Variants in NXNL2 observed in about 807,000 individuals in gnomAD.
NXNL2 encodes the protein nucleoredoxin like 2.
NXNL2 carries 7 observed loss-of-function variants against 11.1 expected under a neutral mutation model. The ratio of observed to expected loss-of-function variants is 0.63; its 90% CI spans 0.36 to 1.18. The LOEUF (loss-of-function observed/expected upper bound fraction) is 1.18, where lower values mean the gene tolerates loss of function less well. NXNL2 is among the 50% of genes most tolerant of loss of function. The pLI, the probability that NXNL2 is intolerant of heterozygous loss-of-function variation, is 0.02. For missense variants in NXNL2, 233 were observed against 217.7 expected (o/e 1.07, Z -0.44); for synonymous variants, 109 against 101.8 (o/e 1.07, Z -0.42).
At chr9:88,561,458 ACTAT>A (rs199978903) in intron 1 of NXNL2, among the ~76,000 whole-genome samples, 3,466 of 152,080 alleles carry the variant, frequency 0.023, 111 homozygotes, top group African/African-American at 0.073. Context: ...TCTACCATCT[ACTAT>A]CTATCTATCT....
chr9:88,553,618 G>A (rs1829973311), intron 1 of NXNL2, among the ~76,000 whole-genome samples: 1 of 152,170 alleles, frequency 6.6e-6, no homozygotes, highest in Admixed American at 6.5e-5. Flanking sequence ...GAGGTGGAGA[G>A]TCCAACAGGG....
At chr9:88,541,245 T>C (rs1829754175) in intron 1 of NXNL2, among the ~76,000 whole-genome samples, 1 of 148,864 alleles carries the variant, frequency 6.7e-6, no homozygotes, top group Non-Finnish European at 1.5e-5. Flanking sequence ...ATTCTCTCTT[T>C]TTCCTTGCTC....
At chr9:88,561,881 G>A (rs937586693) in intron 1 of NXNL2, among the ~76,000 whole-genome samples, 1 of 152,192 alleles carries the variant, frequency 6.6e-6, no homozygotes, top group African/African-American at 2.4e-5. Flanking sequence ...GACTCATACA[G>A]CCATTTGAGA....
chr9:88,548,825 G>C (rs1323781198), downstream of NXNL2, among the ~76,000 whole-genome samples: 1 of 152,052 alleles, frequency 6.6e-6, no homozygotes, highest in East Asian at 1.9e-4. Flanking sequence ...TGATGGTGGT[G>C]TTAGGAGGTG....
intron 1 of NXNL2, among the ~76,000 whole-genome samples, chr9:88,569,214 A>G (rs1336667485): frequency 6.6e-6 from 1 of 152,250 alleles, no homozygotes; most frequent in African/African-American, 2.4e-5. Flanking sequence ...TACAGGCGTA[A>G]GCCACCATGC....
intron 1 of NXNL2, among the ~76,000 whole-genome samples, chr9:88,581,913 G>T (rs9410664): frequency 0.16 from 23,832 of 152,180 alleles, 3,591 homozygotes; most frequent in East Asian, 0.89. Context: ...GCCTAACCAT[G>T]GGCAAGATGA....
At chr9:88,581,824 A>G (rs1830411585) in intron 1 of NXNL2, among the ~76,000 whole-genome samples, 1 of 152,232 alleles carries the variant, frequency 6.6e-6, no homozygotes, top group African/African-American at 2.4e-5. Context: ...ATATTGTGGA[A>G]TGGACTTTGC....
At chr9:88,567,333 T>A (rs536659708) in intron 1 of NXNL2, among the ~76,000 whole-genome samples, 2 of 152,248 alleles carry the variant, frequency 1.3e-5, no homozygotes, top group South Asian at 2.1e-4. Context: ...CAGACAGGGT[T>A]TCACCATGTT....
chr9:88,535,406 C>G lies in NXNL2; in HGVS notation c.-29C>G, dbSNP rs1334925160. On this transcript the variant is annotated 5_prime_UTR_variant, in exon 1 of 2. Transcript: ENST00000375854. ...GTGATCATCCTCCTGCAGGTGTCCT[C>G]GGGTCTCAGGTGGCTGCGTGTCTGC... The G allele has an allele frequency of 1.3e-6, 2 of 1,554,150 alleles. No homozygotes were observed. The highest frequency in any genetic ancestry group is 1.9e-5 in the Admixed American group (1 of 53,936).
At chr9:88,574,646 T>A (rs10122928) in intron 2 of NXNL2, among the ~76,000 whole-genome samples, 28,014 of 152,186 alleles carry the variant, frequency 0.18, 6,085 homozygotes, top group African/African-American at 0.53. Context: ...CACAGGAATT[T>A]CAGTAAGAAA....
chr9:88,577,300 CG>C (rs148501683), downstream of NXNL2, among the ~76,000 whole-genome samples: 62 of 149,704 alleles, frequency 4.1e-4, no homozygotes, highest in Middle Eastern at 3.5e-3. Context: ...TGTGACTGGG[CG>C]GGGGGGGCGG....
chr9:88,539,514 G>C lies in NXNL2; in HGVS notation c.302+3778G>C, dbSNP rs1278254247. Reference sequence around the variant, plus strand: ...AGCCGGACCGTCTACTTTCCTTTCTGGAAGTGACGTGTGCGAGCCCTGCCC... The same window carrying C: ...AGCCGGACCGTCTACTTTCCTTTCTCGAAGTGACGTGTGCGAGCCCTGCCC... On this transcript the variant is annotated intron_variant, in intron 1 of 1. Coordinates refer to ENST00000375854, the MANE Select transcript of NXNL2 (RefSeq NM_001161625.2). 2.0e-5 allele frequency among the ~76,000 whole-genome samples: 3 copies of C among 152,280 alleles called. No homozygotes were observed. The East Asian group carries it at 5.8e-4, about 29-fold the overall frequency.
intron 1 of NXNL2, among the ~76,000 whole-genome samples, chr9:88,552,941 C>G: frequency 6.6e-6 from 1 of 152,218 alleles, no homozygotes; most frequent in East Asian, 1.9e-4. Context: ...AAATTGCCCA[C>G]GACTAAGACC....
At chr9:88,583,191 G>A (rs1830428320) in intron 1 of NXNL2, among the ~76,000 whole-genome samples, 2 of 152,234 alleles carry the variant, frequency 1.3e-5, no homozygotes, top group African/African-American at 2.4e-5. Flanking sequence ...AGCCTGTGCA[G>A]CACTGTTCAA....
intron 1 of NXNL2, among the ~76,000 whole-genome samples, chr9:88,541,633 GT>G (rs1829763836): frequency 6.6e-6 from 1 of 152,110 alleles, no homozygotes; most frequent in Admixed American, 6.5e-5. Flanking sequence ...CCCCATGTTG[GT>G]TTTTGTTGGT....
intron 1 of NXNL2, among the ~76,000 whole-genome samples, chr9:88,541,931 TA>T (rs1320280264): frequency 2.0e-5 from 3 of 152,154 alleles, no homozygotes; most frequent in African/African-American, 7.2e-5. Flanking sequence ...AACTCATTCT[TA>T]AAAATGATTT....
intron 1 of NXNL2, among the ~76,000 whole-genome samples, chr9:88,582,802 G>A (rs1338159544): frequency 6.6e-6 from 1 of 152,118 alleles, no homozygotes; most frequent in Non-Finnish European, 1.5e-5. Context: ...CTGAGTAGCT[G>A]GGATTACAGA....
intron 1 of NXNL2, among the ~76,000 whole-genome samples, chr9:88,537,325 G>A (rs1401583024): frequency 6.6e-6 from 1 of 152,108 alleles, no homozygotes; most frequent in African/African-American, 2.4e-5. Flanking sequence ...GGTCCCCAGC[G>A]GCACACAGAT....
intron 1 of NXNL2, among the ~76,000 whole-genome samples, chr9:88,564,793 C>T (rs920839373): frequency 2.6e-5 from 4 of 152,220 alleles, no homozygotes; most frequent in African/African-American, 7.2e-5. Context: ...TCTCTGTCAA[C>T]CATCTGTCTA....
Sources: gnomAD v4.1 joint callset for allele counts (sites outside exome capture counted in the v4.1 genomes callset) on GRCh38, gnomAD v4.1.1 for gene constraint, MANE v1.5 for transcripts, NCBI Gene and HGNC (gene_info 2026-07-23, HGNC 2026-07-21) for gene names.